LARGE1: variants seen among roughly 807,000 people sequenced by gnomAD.
The protein encoded by LARGE1 is LARGE xylosyl- and glucuronyltransferase 1, also known as xylosyl- and glucuronyltransferase LARGE1.
Under a neutral mutation model 87.6 loss-of-function variants are expected in LARGE1, and 43 were observed. The ratio of observed to expected loss-of-function variants is 0.49; its 90% CI spans 0.38 to 0.63. LARGE1 has a LOEUF of 0.63. Among genes scored for constraint, LARGE1 ranks in the 30% least tolerant of loss-of-function variants. LARGE1 has a pLI of 0.00. For missense variants in LARGE1, 802 were observed against 1,000.2 expected (o/e 0.80, Z 2.67); for synonymous variants, 434 against 394.6 (o/e 1.10, Z -1.18).
chr22:33,423,943 C>T (rs761205836), intron 7 of LARGE1, among the ~76,000 whole-genome samples: 2 of 152,170 alleles, frequency 1.3e-5, no homozygotes, highest in Non-Finnish European at 2.9e-5. Context: ...AATAAGGCTA[C>T]TACAGAAGTA....
At chr22:33,529,835 T>C (rs566843938) in intron 6 of LARGE1, among the ~76,000 whole-genome samples, 3 of 152,312 alleles carry the variant, frequency 2.0e-5, no homozygotes, top group East Asian at 3.9e-4. Flanking sequence ...TTTCTGAGCT[T>C]CATGAGGGAT....
intron 1 of LARGE1, among the ~76,000 whole-genome samples, chr22:33,775,490 T>C (rs1281165715): frequency 1.6e-5 from 2 of 122,572 alleles, no homozygotes; most frequent in East Asian, 4.9e-4. Context: ...TCTAAGTCAG[T>C]GGTTCTCAAT....
the LARGE1 span, among the ~76,000 whole-genome samples, chr22:33,144,440 T>C: frequency 6.6e-6 from 1 of 152,170 alleles, no homozygotes; most frequent in South Asian, 2.1e-4. Context: ...CTATAGTTGT[T>C]GCATATATTG....
At chr22:33,358,376 T>C (rs1030388858) in intron 9 of LARGE1, among the ~76,000 whole-genome samples, 1 of 152,158 alleles carries the variant, frequency 6.6e-6, no homozygotes, top group Non-Finnish European at 1.5e-5. Context: ...TACCCTGTGT[T>C]TTCCCTGCCT....
chr22:33,850,253 A>T (rs546249660), intron 1 of LARGE1, among the ~76,000 whole-genome samples: 1 of 152,196 alleles, frequency 6.6e-6, no homozygotes, highest in Admixed American at 6.5e-5. Context: ...CAGGGATTTC[A>T]CCTCTTCTAA....
intron 5 of LARGE1, among the ~76,000 whole-genome samples, chr22:33,592,312 T>C (rs1282708048): frequency 6.6e-6 from 1 of 152,162 alleles, no homozygotes; most frequent in Non-Finnish European, 1.5e-5. Context: ...ATTTTATTAT[T>C]ATTATTATTT....
At chr22:33,336,784 G>A (rs1352489935) in intron 10 of LARGE1, among the ~76,000 whole-genome samples, 8 of 151,970 alleles carry the variant, frequency 5.3e-5, no homozygotes, top group South Asian at 4.2e-4. Flanking sequence ...GGTTCTGGCC[G>A]GGCGCGGTGG....
At chr22:33,511,052 A>G (rs1276630506) in intron 6 of LARGE1, among the ~76,000 whole-genome samples, 2 of 152,186 alleles carry the variant, frequency 1.3e-5, no homozygotes, top group Non-Finnish European at 2.9e-5. Context: ...CATCACACAC[A>G]TAGTGATTTT....
At chr22:33,875,697 G>A (rs1326053409) in intron 1 of LARGE1, among the ~76,000 whole-genome samples, 1 of 152,186 alleles carries the variant, frequency 6.6e-6, no homozygotes, top group African/African-American at 2.4e-5. Context: ...TTGGTGGGAG[G>A]AAGCCGCCTG....
intron 2 of LARGE1, among the ~76,000 whole-genome samples, chr22:33,666,972 T>A (rs572809230): frequency 1.3e-5 from 2 of 152,348 alleles, no homozygotes; most frequent in East Asian, 3.9e-4. Flanking sequence ...TCAAGCCAGA[T>A]ATTCAGCAGA....
At chr22:33,451,592 C>T (rs2067925377) in intron 6 of LARGE1, among the ~76,000 whole-genome samples, 1 of 150,130 alleles carries the variant, frequency 6.7e-6, no homozygotes, top group African/African-American at 2.5e-5. Flanking sequence ...CCAAGTCTCG[C>T]TATGTCGCCA....
At position 33,460,637 on chromosome 22, in the gene LARGE1, T is replaced by C. The variant is rs116213539; in HGVS notation, c.788-28372A>G. 7.0e-3 allele frequency among the ~76,000 whole-genome samples: 1,073 copies of C among 152,274 alleles called. 10 individuals carry two copies. Among genetic ancestry groups the C allele is most frequent in the African/African-American group, 0.023 (971 of 41,558 alleles). On this transcript the variant is annotated intron_variant, in intron 6 of 14. Coordinates refer to ENST00000397394, the MANE Select transcript of LARGE1 (RefSeq NM_133642.5). Reference sequence around the variant, plus strand: ...TGAGAGCTAAGCAAGCTGAAGGCAGTACCTGAACTGGGGAGCCTGCCTATC... The same window carrying C: ...TGAGAGCTAAGCAAGCTGAAGGCAGCACCTGAACTGGGGAGCCTGCCTATC...
At chr22:33,307,540 C>T (rs892011653) in intron 11 of LARGE1, among the ~76,000 whole-genome samples, 1 of 152,168 alleles carries the variant, frequency 6.6e-6, no homozygotes, top group Non-Finnish European at 1.5e-5. Context: ...ACAATCCCCT[C>T]GGCCCTCTCC....
intron 12 of LARGE1, among the ~76,000 whole-genome samples, chr22:33,295,837 C>T (rs933832029): frequency 1.3e-5 from 2 of 152,118 alleles, no homozygotes; most frequent in African/African-American, 4.8e-5. Context: ...CATCTGAGAG[C>T]CAGATGGGCT....
the LARGE1 span, among the ~76,000 whole-genome samples, chr22:33,110,010 C>T: frequency 2.6e-4 from 40 of 152,310 alleles, no homozygotes; most frequent in Non-Finnish European, 4.0e-4. Context: ...GAATCCTTTA[C>T]GGCAATGCAA....
At chr22:33,286,209 T>A (rs1931504872) in intron 12 of LARGE1, among the ~76,000 whole-genome samples, 1 of 152,182 alleles carries the variant, frequency 6.6e-6, no homozygotes, top group Non-Finnish European at 1.5e-5. Context: ...ATGTTAGTTT[T>A]CAAACATCCA....
intron 6 of LARGE1, among the ~76,000 whole-genome samples, 179 bp from the exon 7 acceptor site, chr22:33,432,444 C>T (rs2067111222): frequency 6.6e-6 from 1 of 152,202 alleles, no homozygotes; most frequent in Non-Finnish European, 1.5e-5. Context: ...ATATTTAATT[C>T]TCACCATTAG....
At chr22:33,826,734 T>G (rs2062800766) in intron 1 of LARGE1, among the ~76,000 whole-genome samples, 1 of 152,042 alleles carries the variant, frequency 6.6e-6, no homozygotes, top group East Asian at 1.9e-4. Flanking sequence ...CTTAACCACA[T>G]CCACAAAGGG....
At chr22:33,298,744 T>C (rs918900205) in intron 12 of LARGE1, among the ~76,000 whole-genome samples, 6 of 151,790 alleles carry the variant, frequency 4.0e-5, no homozygotes, top group Non-Finnish European at 7.4e-5. Flanking sequence ...GGCAGGAAGA[T>C]TGCTTGAGCC....
Sources: allele counts gnomAD v4.1 joint callset (sites outside exome capture counted in the v4.1 genomes callset), GRCh38; gene constraint gnomAD v4.1.1; transcripts MANE v1.5; gene names NCBI Gene and HGNC (gene_info 2026-07-23, HGNC 2026-07-21).